Variants in DRAM1 observed in about 807,000 individuals in gnomAD.
DRAM1 encodes the protein DNA damage-regulated autophagy modulator protein 1.
A neutral mutation model predicts 28.5 loss-of-function variants in DRAM1; 25 were observed. The observed-to-expected ratio is 0.88, with a 90% CI of 0.64 to 1.23. The LOEUF (loss-of-function observed/expected upper bound fraction) is 1.23. Among genes scored for constraint, DRAM1 ranks in the 50% most tolerant of loss-of-function variants. DRAM1 has a pLI of 0.00. For synonymous variants in DRAM1, 113 were observed against 114.2 expected, an observed-to-expected ratio of 0.99 and a Z score of 0.07; for missense variants, 249 against 299.2, an observed-to-expected ratio of 0.83 and a Z score of 1.24.
chr12:101,882,433 A>G (rs1303143505), intron 1 of DRAM1, among the ~76,000 whole-genome samples: 1 of 151,146 alleles, frequency 6.6e-6, no homozygotes, highest in Non-Finnish European at 1.5e-5. Context: ...TGTTTTTAGC[A>G]CAGTTGAACA....
intron 1 of DRAM1, among the ~76,000 whole-genome samples, chr12:101,895,742 TTA>T (rs961235176): frequency 4.0e-5 from 6 of 149,788 alleles, no homozygotes; most frequent in African/African-American, 1.5e-4. Context: ...GGCTAATTTT[TTA>T]TATGTTTAGT....
intron 5 of DRAM1, among the ~76,000 whole-genome samples, chr12:101,916,517 C>A (rs192524545): frequency 5.9e-5 from 9 of 152,212 alleles, no homozygotes; most frequent in Admixed American, 2.0e-4. Flanking sequence ...ACATTTTGGA[C>A]CAAGCATCAG....
At position 101,897,854 on chromosome 12, in the gene DRAM1, C is replaced by T. The variant is rs1873444800; in HGVS notation, c.132-9C>T. The T allele has an allele frequency of 6.2e-7, 1 of 1,602,620 alleles. No homozygotes were observed. The highest frequency in any genetic ancestry group is 8.5e-7 in the Non-Finnish European group (1 of 1,171,322). Reference sequence around the variant, plus strand: ...TTCTAATAATTTGGACATTTCTTCCCTTTGCCAGTGATACGGGAACAACAC... The same window carrying T: ...TTCTAATAATTTGGACATTTCTTCCTTTTGCCAGTGATACGGGAACAACAC... On this transcript the variant is annotated splice_polypyrimidine_tract_variant and intron_variant, in intron 1 of 6. Coordinates refer to ENST00000258534, the MANE Select transcript of DRAM1 (RefSeq NM_018370.3).
chr12:101,879,075 A>G (rs112859548), intron 1 of DRAM1, among the ~76,000 whole-genome samples: 64 of 152,030 alleles, frequency 4.2e-4, no homozygotes, highest in African/African-American at 1.4e-3. Context: ...GCTCACCGCA[A>G]CCTCTGCCTC....
At chr12:101,898,396 G>T (rs1019413733) in intron 2 of DRAM1, among the ~76,000 whole-genome samples, 21 of 152,270 alleles carry the variant, frequency 1.4e-4, no homozygotes, top group Non-Finnish European at 2.2e-4. Context: ...GAAGTTAAAA[G>T]ATATAAAAAA....
At chr12:101,913,413 A>G (rs576095814) in intron 4 of DRAM1, among the ~76,000 whole-genome samples, 4 of 152,180 alleles carry the variant, frequency 2.6e-5, no homozygotes, top group South Asian at 4.1e-4. Flanking sequence ...TACCTTGGAA[A>G]TAGTATTTTA....
At chr12:101,891,270 A>G (rs1566122375) in intron 1 of DRAM1, among the ~76,000 whole-genome samples, 1 of 152,132 alleles carries the variant, frequency 6.6e-6, no homozygotes, top group East Asian at 1.9e-4. Context: ...CATCCAAGCA[A>G]TTAGTGTATG....
chr12:101,907,226 A>AAG (rs58069783), intron 3 of DRAM1, among the ~76,000 whole-genome samples: 8,981 of 149,258 alleles, frequency 0.06, 709 homozygotes, highest in African/African-American at 0.18. Flanking sequence ...AAAGAAGAAA[A>AAG]AAGAAGCTGC....
chr12:101,881,039 G>A (rs1331506187), intron 1 of DRAM1, among the ~76,000 whole-genome samples: 1 of 152,150 alleles, frequency 6.6e-6, no homozygotes, highest in Non-Finnish European at 1.5e-5. Context: ...CCCGCTCCTA[G>A]AAAACAAGTC....
intron 1 of DRAM1, among the ~76,000 whole-genome samples, chr12:101,879,342 A>T (rs1872609326): frequency 6.6e-6 from 1 of 152,268 alleles, no homozygotes; most frequent in African/African-American, 2.4e-5. Flanking sequence ...TAGGTAGAAT[A>T]GTGCAAATTT....
chr12:101,904,867 A>G (rs982978406), intron 3 of DRAM1, among the ~76,000 whole-genome samples: 1 of 152,120 alleles, frequency 6.6e-6, no homozygotes, highest in Non-Finnish European at 1.5e-5. Flanking sequence ...TCGAAAATTC[A>G]TGTCTGATCT....
Position 101,921,205 on chromosome 12 carries a change from T to G in DRAM1, c.673-11T>G, listed in dbSNP as rs1403122649. On this transcript the variant is annotated splice_polypyrimidine_tract_variant and intron_variant, in intron 6 of 6. Coordinates refer to ENST00000258534, the MANE Select transcript of DRAM1 (RefSeq NM_018370.3). ...TTCTTTTAAACCTTTCTCTTTCATTTTTAAAAATAGAGTGTCACCCTAAGG... is the reference window on the plus strand; with the variant it reads ...TTCTTTTAAACCTTTCTCTTTCATTGTTAAAAATAGAGTGTCACCCTAAGG... 6.3e-7 allele frequency: 1 copy of G among 1,587,814 alleles called. No homozygotes were observed. Among genetic ancestry groups the G allele is most frequent in the Non-Finnish European group, 8.6e-7 (1 of 1,156,218 alleles).
At chr12:101,913,481 A>G (rs540889547) in intron 4 of DRAM1, among the ~76,000 whole-genome samples, 150 of 152,086 alleles carry the variant, frequency 9.9e-4, no homozygotes, top group Non-Finnish European at 1.9e-3. Context: ...CGAGGTGGGC[A>G]GATCACCTGA....
At chr12:101,888,436 G>A (rs1594293072) in intron 1 of DRAM1, among the ~76,000 whole-genome samples, 1 of 151,876 alleles carries the variant, frequency 6.6e-6, no homozygotes, top group East Asian at 1.9e-4. Context: ...TGGCCGAAAA[G>A]TATTATTTTT....
chr12:101,890,992 G>A (rs911364296), intron 1 of DRAM1, among the ~76,000 whole-genome samples: 8 of 151,892 alleles, frequency 5.3e-5, no homozygotes, highest in East Asian at 1.9e-4. Flanking sequence ...CTTGTGATCC[G>A]CCCGCCTCGG....
At chr12:101,919,121 G>A (rs2121175854) in intron 5 of DRAM1, among the ~76,000 whole-genome samples, 1 of 151,836 alleles carries the variant, frequency 6.6e-6, no homozygotes, top group Middle Eastern at 3.4e-3. Context: ...GCCCAGGCTG[G>A]TCTCAAACTC....
chr12:101,905,523 A>T (rs576971899), intron 3 of DRAM1, among the ~76,000 whole-genome samples: 1 of 152,146 alleles, frequency 6.6e-6, no homozygotes, highest in Non-Finnish European at 1.5e-5. Context: ...CTCAAGTGAT[A>T]CACCTGCCTT....
chr12:101,880,267 TG>T (rs1872647053), intron 1 of DRAM1, among the ~76,000 whole-genome samples: 1 of 147,134 alleles, frequency 6.8e-6, no homozygotes, highest in Non-Finnish European at 1.5e-5. Context: ...TGCTGTGTCC[TG>T]CAATGCTTCC....
intron 1 of DRAM1, among the ~76,000 whole-genome samples, chr12:101,897,645 G>T (rs1370598613): frequency 6.6e-6 from 1 of 151,732 alleles, no homozygotes; most frequent in Non-Finnish European, 1.5e-5. Flanking sequence ...ACATTTTCTG[G>T]CTTTTTACTA....
Sources: allele counts gnomAD v4.1 joint callset (sites outside exome capture counted in the v4.1 genomes callset), GRCh38; gene constraint gnomAD v4.1.1; transcripts MANE v1.5; gene names NCBI Gene and HGNC (gene_info 2026-07-23, HGNC 2026-07-21).